EIF2AK3: variants seen among roughly 807,000 people sequenced by gnomAD.
EIF2AK3 encodes the protein eukaryotic translation initiation factor 2-alpha kinase 3.
Under a neutral mutation model 113.5 loss-of-function variants are expected in EIF2AK3, and 50 were observed. The ratio of observed to expected loss-of-function variants is 0.44; its 90% CI spans 0.35 to 0.56. The LOEUF is 0.56. EIF2AK3 is among the 20% of genes least tolerant of loss of function. EIF2AK3 has a pLI of 0.00. For synonymous variants in EIF2AK3, 448 were observed against 495.4 expected, an observed-to-expected ratio of 0.90 and a Z score of 1.27; for missense variants, 1,185 against 1,378.0, an observed-to-expected ratio of 0.86 and a Z score of 2.22.
chr2:88,608,720 T>A (rs2104462726), intron 2 of EIF2AK3, among the ~76,000 whole-genome samples: 1 of 135,350 alleles, frequency 7.4e-6, no homozygotes, highest in South Asian at 2.5e-4. Context: ...TTTTTTTTTT[T>A]TTTTTTGAGA....
intron 14 of EIF2AK3, among the ~76,000 whole-genome samples, chr2:88,566,209 A>G (rs1674119800): frequency 6.6e-6 from 1 of 152,214 alleles, no homozygotes; most frequent in Non-Finnish European, 1.5e-5. Context: ...CTTATACAGT[A>G]ATGTGCTATG....
intron 14 of EIF2AK3, among the ~76,000 whole-genome samples, chr2:88,569,119 G>A (rs1674220958): frequency 6.6e-6 from 1 of 152,102 alleles, no homozygotes; most frequent in South Asian, 2.1e-4. Context: ...TCGAACTCCT[G>A]GCCTCAGGTA....
At chr2:88,589,642 A>G (rs1674832069) in intron 6 of EIF2AK3, among the ~76,000 whole-genome samples, 1 of 149,716 alleles carries the variant, frequency 6.7e-6, no homozygotes, top group Non-Finnish European at 1.5e-5. Context: ...AATTACATAT[A>G]AATAATTATA....
chr2:88,590,549 G>A lies in EIF2AK3; in HGVS notation c.1059C>T (p.Ile353=). 3 of 1,613,496 alleles carry A rather than the reference G, an allele frequency of 1.9e-6. No homozygotes were observed. The highest frequency in any genetic ancestry group is 1.7e-5 in the Admixed American group (1 of 60,014). The change falls in exon 6 of 17, where the codon ATC becomes ATT. Residue 353 remains isoleucine, a synonymous_variant. Coordinates refer to ENST00000303236, the MANE Select transcript of EIF2AK3 (RefSeq NM_004836.7). Reference sequence around the variant, plus strand: ...TATAACTTGTATCATCAAAAAGACTGATGGGAATGACTTTCCCATCCTTAA... The same window carrying A: ...TATAACTTGTATCATCAAAAAGACTAATGGGAATGACTTTCCCATCCTTAA... ...WLLKDGKVIP[I]SLFDDTSYTS... is the part of the protein sequence containing the mutation.
intron 1 of EIF2AK3, among the ~76,000 whole-genome samples, chr2:88,616,001 A>G (rs1188085849): frequency 6.6e-6 from 1 of 150,702 alleles, no homozygotes; most frequent in Non-Finnish European, 1.5e-5. Context: ...CACACTCTAT[A>G]TGGCTTCCAG....
chr2:88,562,985 G>A (rs1674006024), intron 14 of EIF2AK3, among the ~76,000 whole-genome samples: 1 of 152,228 alleles, frequency 6.6e-6, no homozygotes, highest in African/African-American at 2.4e-5. Context: ...CTGGGGCTAA[G>A]TATAGAGAAG....
chr2:88,565,688 T>C, intron 14 of EIF2AK3, among the ~76,000 whole-genome samples: 1 of 152,192 alleles, frequency 6.6e-6, no homozygotes, highest in Non-Finnish European at 1.5e-5. Context: ...AATTGGATCA[T>C]ACAGAAAAGT....
chr2:88,605,189 A>C (rs986743318), intron 2 of EIF2AK3, among the ~76,000 whole-genome samples: 1 of 152,218 alleles, frequency 6.6e-6, no homozygotes, highest in African/African-American at 2.4e-5. Flanking sequence ...ATGTATACTT[A>C]TGAAAGAAAA....
chr2:88,593,807 C>T, intron 3 of EIF2AK3: 3 of 814,862 alleles, frequency 3.7e-6, no homozygotes, highest in Non-Finnish European at 4.5e-6. Context: ...AAATTTGAAA[C>T]TTTTCTGAGA....
chr2:88,557,644 A>G lies in EIF2AK3; in HGVS notation c.*92T>C. ...TCCACAAAAAAATTGAGCGAAGAAC[A>G]AACTTTTCAAGTCTGCAATTTTGGA... On this transcript the variant is annotated 3_prime_UTR_variant, in exon 17 of 17. Coordinates refer to ENST00000303236, the MANE Select transcript of EIF2AK3 (RefSeq NM_004836.7). 7.0e-7 allele frequency: 1 copy of G among 1,427,314 alleles called. No homozygotes were observed. The highest frequency in any genetic ancestry group is 9.9e-7 in the Non-Finnish European group (1 of 1,011,360). The allele number at this position is 1,427,314 out of a possible 1,614,324, so 88.4% of individuals were successfully genotyped here.
At chr2:88,563,008 T>C (rs917817913) in intron 14 of EIF2AK3, among the ~76,000 whole-genome samples, 1 of 152,238 alleles carries the variant, frequency 6.6e-6, no homozygotes, top group Admixed American at 6.5e-5. Flanking sequence ...CCTCAATAAA[T>C]ACTTAGTTGT....
chr2:88,583,450 T>G lies in EIF2AK3; in HGVS notation c.1743A>C (p.Lys581Asn), dbSNP rs1573399636. ...CTTACCGTGATATATATCCAGAGTTTTTTATGTCATTCCAGCTACTGTCAT... is the reference window on the plus strand; with the variant it reads ...CTTACCGTGATATATATCCAGAGTTGTTTATGTCATTCCAGCTACTGTCAT... ...EANDSSWNDI[K>N]NSGYISRYLT... The change falls in exon 10 of 17, where the codon AAA (lysine) becomes AAC (asparagine). Residue 581 changes from lysine (K) to asparagine (N), a missense_variant. This residue lies in a region of EIF2AK3 where 877 missense variants were observed against 1,024.2 expected (regional missense o/e 0.86). Coordinates refer to ENST00000303236, the MANE Select transcript of EIF2AK3 (RefSeq NM_004836.7). 6.2e-7 allele frequency: 1 copy of G among 1,612,798 alleles called. No homozygotes were observed. The highest frequency in any genetic ancestry group is 8.5e-7 in the Non-Finnish European group (1 of 1,179,274).
Position 88,590,599 on chromosome 2 carries a change from T to A in EIF2AK3, c.1009A>T (p.Thr337Ser). Residue 337 changes from threonine (T) to serine (S), a missense_variant, in exon 6 of 17, where the codon ACT (threonine) becomes TCT (serine). Physicochemically the swap from Thr to Ser is moderately conservative, Grantham distance 58. This residue lies in a region of EIF2AK3 where 877 missense variants were observed against 1,024.2 expected (regional missense o/e 0.86). Coordinates refer to ENST00000303236, the MANE Select transcript of EIF2AK3 (RefSeq NM_004836.7). Reference protein sequence around the residue: ...GHLEWEYQFCTPIASAWLLKD... With the variant: ...GHLEWEYQFCSPIASAWLLKD... The stretch of plus-strand genomic sequence containing the variant: ...AGTAACCAGGCAGATGCAATTGGAG[T>A]ACAAAACTAAACAAAAATGGAAAAA... 1.2e-6 allele frequency: 2 copies of A among 1,612,488 alleles called. No individual in the cohort carries two copies. Among genetic ancestry groups the A allele is most frequent in the Non-Finnish European group, 1.7e-6 (2 of 1,179,820 alleles).
chr2:88,574,405 G>A, intron 13 of EIF2AK3: 1 of 523,416 alleles, frequency 1.9e-6, no homozygotes, highest in South Asian at 2.4e-5. Flanking sequence ...CCCTCACCTG[G>A]ACTACTGAGA....
intron 2 of EIF2AK3, among the ~76,000 whole-genome samples, chr2:88,612,055 A>G (rs144556101): frequency 6.6e-6 from 1 of 152,368 alleles, no homozygotes; most frequent in East Asian, 1.9e-4. Context: ...AAAGACAGTA[A>G]GAATGTTGAA....
rs542707362 is a variant in EIF2AK3, at chr2:88,575,370, T to A, written c.2113A>T (p.Thr705Ser). ...GCTATGATTTCAATATGTTCTTTTG[T>A]AGCGAAAGGATCCATTCTGCGTATT... ...VKIRRMDPFA[T>S]KEHIEIIAPS... The change falls in exon 13 of 17, where the codon ACA becomes TCA. Residue 705 changes from threonine to serine, a missense_variant. Transcript: ENST00000303236. The A allele has an allele frequency of 1.2e-6, 2 of 1,614,086 alleles. No homozygotes were observed. Among genetic ancestry groups the A allele is most frequent in the South Asian group, 1.1e-5 (1 of 91,084 alleles).
At chr2:88,624,283 C>T (rs1479411996) in intron 1 of EIF2AK3, among the ~76,000 whole-genome samples, 1 of 151,894 alleles carries the variant, frequency 6.6e-6, no homozygotes, top group Non-Finnish European at 1.5e-5. Context: ...TGAGCCAATG[C>T]GCCCAGCCCC....
chr2:88,618,838 C>T (rs774010516), intron 1 of EIF2AK3, among the ~76,000 whole-genome samples: 1 of 152,116 alleles, frequency 6.6e-6, no homozygotes, highest in African/African-American at 2.4e-5. Flanking sequence ...CCTTGGAAGC[C>T]ACTCTCAAGA....
chr2:88,606,280 T>C (rs2104458486), intron 2 of EIF2AK3, among the ~76,000 whole-genome samples: 1 of 150,432 alleles, frequency 6.6e-6, no homozygotes, highest in Non-Finnish European at 1.5e-5. Context: ...ATAAACAATG[T>C]ACATGAAGAG....
Sources: gnomAD v4.1 joint callset for allele counts (sites outside exome capture counted in the v4.1 genomes callset) on GRCh38, gnomAD v4.1.1 for gene constraint, gnomAD v4.1.1 regional missense constraint, MANE v1.5 for transcripts, NCBI Gene and HGNC (gene_info 2026-07-23, HGNC 2026-07-21) for gene names.